Variants in NINL observed in about 807,000 individuals in gnomAD.
NINL encodes ninein-like protein.
Under a neutral mutation model 160.3 loss-of-function variants are expected in NINL, and 153 were observed. That is an observed-to-expected ratio of 0.95 (90% confidence interval 0.84 to 1.09). The LOEUF is 1.09. Among genes scored for constraint, NINL ranks in the 50% least tolerant of loss-of-function variants. NINL has a pLI of 0.00. For synonymous variants in NINL, 800 were observed against 734.8 expected (o/e 1.09, Z -1.43); for missense variants, 1,829 against 1,764.0 (o/e 1.04, Z -0.66).
chr20:25,542,692 T>C (rs2064681496), intron 1 of NINL, among the ~76,000 whole-genome samples: 2 of 99,546 alleles, frequency 2.0e-5, no homozygotes, highest in Non-Finnish European at 3.7e-5. Context: ...TAAACTTGCT[T>C]TCACTAAAAA....
intron 1 of NINL, among the ~76,000 whole-genome samples, chr20:25,570,016 T>TA (rs61326896): frequency 0.033 from 4,643 of 140,410 alleles, 201 homozygotes; most frequent in African/African-American, 0.11. Context: ...CTGTCTCCAC[T>TA]AAAAAAAAAA....
chr20:25,563,280 G>A (rs2064965481), intron 1 of NINL, among the ~76,000 whole-genome samples: 1 of 152,204 alleles, frequency 6.6e-6, no homozygotes, highest in African/African-American at 2.4e-5. Context: ...ACAGCATAAT[G>A]TGGTGGGTAA....
At chr20:25,550,551 G>A (rs1399639637) in intron 1 of NINL, among the ~76,000 whole-genome samples, 1 of 152,162 alleles carries the variant, frequency 6.6e-6, no homozygotes, top group Non-Finnish European at 1.5e-5. Context: ...CTCGGTGAGG[G>A]GGATGTGGCA....
Position 25,567,285 on chromosome 20 carries a change from T to A in NINL, c.-12+18170A>T, listed in dbSNP as rs536555901. ...GGAAGAACAGAATCTTCAACAGCTA[T>A]GAGACAATTATCAAAGGTGTAACAC... On this transcript the variant is annotated intron_variant, in intron 1 of 23. Transcript: ENST00000278886. 2.6e-5 allele frequency among the ~76,000 whole-genome samples: 4 copies of A among 152,214 alleles called. No individual in the cohort carries two copies. The South Asian group carries it at 8.3e-4, about 32-fold the overall frequency.
chr20:25,506,299 A>C (rs1032109267), intron 5 of NINL, among the ~76,000 whole-genome samples: 1 of 152,232 alleles, frequency 6.6e-6, no homozygotes, highest in African/African-American at 2.4e-5. Flanking sequence ...ATTTGTATTT[A>C]CAATAAAAAG....
Position 25,554,646 on chromosome 20 carries a change from A to C in NINL, c.-11-28048T>G, listed in dbSNP as rs113311875. ...TACCAAAAAAAAAAACAAAAAAAAA[A>C]AAAAAAAAAAATTAGCTAGGTGTGG... On this transcript the variant is annotated intron_variant, in intron 1 of 23. Transcript: ENST00000278886. 4.3e-3 allele frequency among the ~76,000 whole-genome samples: 602 copies of C among 140,180 alleles called. 4 individuals are homozygous for C. The highest frequency in any genetic ancestry group is 7.5e-3 in the Middle Eastern group (2 of 266). The allele number at this position is 140,180 out of a possible 152,430, so 92.0% of individuals were successfully genotyped here.
intron 1 of NINL, among the ~76,000 whole-genome samples, chr20:25,546,393 A>T (rs1289679793): frequency 1.3e-5 from 2 of 152,336 alleles, no homozygotes; most frequent in Admixed American, 6.5e-5. Context: ...CAATCAGAGC[A>T]TAATGTTATA....
intron 1 of NINL, among the ~76,000 whole-genome samples, chr20:25,560,942 A>G (rs763551031): frequency 6.6e-6 from 1 of 151,784 alleles, no homozygotes. Flanking sequence ...AAGAAATGCT[A>G]AACAAAGTTC....
Position 25,471,082 on chromosome 20 carries a change from C to T in NINL, c.3249-987G>A, listed in dbSNP as rs1038456724. ...TCACCCAGGCTGGAGTACTGTGGCA[C>T]GATCATGGCTCACTGCAGCCTTGAA... On this transcript the variant is annotated intron_variant, in intron 17 of 23. Transcript: ENST00000278886. Among the ~76,000 whole-genome samples, 6 of 152,066 alleles carry T rather than the reference C, an allele frequency of 3.9e-5. No homozygotes were observed. The South Asian group carries it at 6.2e-4, about 16-fold the overall frequency.
rs544202214 is a variant in NINL, at chr20:25,574,989, T to C, written c.-12+10466A>G. Among the ~76,000 whole-genome samples, 52 of 152,066 alleles carry C rather than the reference T, an allele frequency of 3.4e-4. 1 individual carries two copies. Among genetic ancestry groups the C allele is most frequent in the African/African-American group, 1.2e-3 (50 of 41,472 alleles). On this transcript the variant is annotated intron_variant, in intron 1 of 23. Transcript: ENST00000278886. ...TGCTAAGATGGCATCAGTTTTTAAATGTACCCCCAAGTCAAAAATACTATC... is the reference window on the plus strand; with the variant it reads ...TGCTAAGATGGCATCAGTTTTTAAACGTACCCCCAAGTCAAAAATACTATC...
chr20:25,458,602 A>G, intron 21 of NINL, 73 bp from the exon 22 acceptor site: 1 of 1,427,624 alleles, frequency 7.0e-7, no homozygotes, highest in East Asian at 2.5e-5. Flanking sequence ...TCTCCATCCA[A>G]GGACACCCCC....
chr20:25,557,271 C>A (rs369058664), intron 1 of NINL, among the ~76,000 whole-genome samples: 1 of 152,130 alleles, frequency 6.6e-6, no homozygotes, highest in African/African-American at 2.4e-5. Flanking sequence ...TGGCTCACAC[C>A]TGTAATCCTA....
chr20:25,537,568 G>C lies in NINL; in HGVS notation c.-11-10970C>G, dbSNP rs555651591. ...ACACACAAAATTAAAACAGAGTACAGAATACCATAGTAAACACTGAATTTC... is the reference window on the plus strand; with the variant it reads ...ACACACAAAATTAAAACAGAGTACACAATACCATAGTAAACACTGAATTTC... On this transcript the variant is annotated intron_variant, in intron 1 of 23. Coordinates refer to ENST00000278886, the MANE Select transcript of NINL (RefSeq NM_025176.6). Among the ~76,000 whole-genome samples, 14 of 152,340 alleles carry C rather than the reference G, an allele frequency of 9.2e-5. 1 individual carries two copies. The South Asian group carries it at 2.9e-3, about 32-fold the overall frequency.
intron 1 of NINL, among the ~76,000 whole-genome samples, chr20:25,532,411 C>A (rs2064481017): frequency 6.6e-6 from 1 of 152,252 alleles, no homozygotes; most frequent in Non-Finnish European, 1.5e-5. Context: ...CCCCTCTGGC[C>A]CTGTCTTTGC....
intron 1 of NINL, among the ~76,000 whole-genome samples, chr20:25,533,570 T>C (rs2064504505): frequency 6.6e-6 from 1 of 152,114 alleles, no homozygotes; most frequent in African/African-American, 2.4e-5. Context: ...ATCAGTGTGG[T>C]CTCAGCACAG....
intron 17 of NINL, among the ~76,000 whole-genome samples, chr20:25,474,800 T>C (rs1301357088): frequency 6.6e-6 from 1 of 151,442 alleles, no homozygotes; most frequent in Non-Finnish European, 1.5e-5. Context: ...TTTTTTTTTT[T>C]TGGAGACAGA....
chr20:25,508,453 C>G (rs2064003461), intron 5 of NINL, among the ~76,000 whole-genome samples: 1 of 152,240 alleles, frequency 6.6e-6, no homozygotes, highest in Non-Finnish European at 1.5e-5. Context: ...GCCTGCCTGG[C>G]CTGCAGCCCA....
Position 25,453,558 on chromosome 20 carries a change from C to A in NINL, c.4042G>T (p.Glu1348Ter). 6.2e-7 allele frequency: 1 copy of A among 1,614,170 alleles called. No homozygotes were observed. Among genetic ancestry groups the A allele is most frequent in the Non-Finnish European group, 8.5e-7 (1 of 1,180,020 alleles). The change falls in exon 24 of 24, where the codon GAG (glutamate) becomes TAG (stop). Residue 1348 changes from glutamate (E) to a stop codon, truncating the protein, a stop_gained. Transcript: ENST00000278886. LOFTEE classifies it low-confidence loss of function (END_TRUNC). The part of the protein sequence containing the change: ...AHLVRALQAT[E>*]EKQRGAEKQS... The stretch of plus-strand genomic sequence containing the variant: ...TTCTCGGCGCCTCGCTGCTTCTCCT[C>A]GGTGGCCTGAAGTGCTCTCACCAGG...
intron 1 of NINL, among the ~76,000 whole-genome samples, chr20:25,575,345 G>T (rs766228147): frequency 6.6e-6 from 1 of 151,078 alleles, no homozygotes; most frequent in Admixed American, 6.6e-5. Flanking sequence ...TACTCCAGAG[G>T]TTGAGGCAGG....
Sources: gnomAD v4.1 joint callset for allele counts (sites outside exome capture counted in the v4.1 genomes callset) on GRCh38, gnomAD v4.1.1 for gene constraint, MANE v1.5 for transcripts, NCBI Gene and HGNC (gene_info 2026-07-23, HGNC 2026-07-21) for gene names.